FMN1: variants seen among roughly 807,000 people sequenced by gnomAD.
The protein encoded by FMN1 is formin 1, also known as formin-1.
FMN1 carries 110 observed loss-of-function variants against 132.4 expected under a neutral mutation model. The observed-to-expected ratio is 0.83, with a 90% confidence interval of 0.71 to 0.97. The LOEUF (loss-of-function observed/expected upper bound fraction) is 0.97, where lower values mean the gene tolerates loss of function less well. Among genes scored for constraint, FMN1 ranks in the 50% least tolerant of loss-of-function variants. FMN1 has a pLI of 0.00. For synonymous variants in FMN1, 722 were observed against 651.7 expected, an observed-to-expected ratio of 1.11 and a Z score of -1.64; for missense variants, 1,792 against 1,705.3, an observed-to-expected ratio of 1.05 and a Z score of -0.90.
intron 10 of FMN1, among the ~76,000 whole-genome samples, chr15:32,922,299 T>C (rs1185498130): frequency 6.6e-6 from 1 of 152,224 alleles, no homozygotes; most frequent in Non-Finnish European, 1.5e-5. Context: ...ATTCTGATCC[T>C]ATCTAGTTTA....
intron 9 of FMN1, among the ~76,000 whole-genome samples, chr15:32,931,605 G>A (rs1176792950): frequency 6.6e-6 from 1 of 152,080 alleles, no homozygotes; most frequent in Non-Finnish European, 1.5e-5. Context: ...TTTTTTGGGG[G>A]AATCCTTAGG....
rs140795456 is a variant in FMN1, at chr15:32,824,106, T to C, written c.3929-19774A>G. Reference sequence around the variant, plus strand: ...TGGCAGCAATGCCACCAGCAACAGATAGTGTAATGTACCCCCCGTGAGAGG... The same window carrying C: ...TGGCAGCAATGCCACCAGCAACAGACAGTGTAATGTACCCCCCGTGAGAGG... On this transcript the variant is annotated intron_variant, in intron 17 of 20. Coordinates refer to ENST00000616417, the MANE Select transcript of FMN1 (RefSeq NM_001277313.2). Among the ~76,000 whole-genome samples the C allele has an allele frequency of 2.5e-3, 386 of 152,350 alleles. 3 individuals are homozygous for C. The highest frequency in any genetic ancestry group is 8.7e-3 in the African/African-American group (362 of 41,586).
At chr15:32,920,280 A>G (rs1477778929) in intron 10 of FMN1, among the ~76,000 whole-genome samples, 1 of 152,206 alleles carries the variant, frequency 6.6e-6, no homozygotes, top group Non-Finnish European at 1.5e-5. Context: ...ATGCTTTTAA[A>G]TATAAGTCAT....
At chr15:32,975,431 C>T (rs957452707) in intron 7 of FMN1, among the ~76,000 whole-genome samples, 1 of 152,002 alleles carries the variant, frequency 6.6e-6, no homozygotes, top group Non-Finnish European at 1.5e-5. Context: ...AGTGAAACTC[C>T]AAAAAAATTT....
At chr15:33,036,854 T>C (rs2339178) in intron 6 of FMN1, among the ~76,000 whole-genome samples, 41,160 of 152,080 alleles carry the variant, frequency 0.27, 5,779 homozygotes, top group Non-Finnish European at 0.31. Context: ...TGCCAGAATA[T>C]CCATTTGTAC....
At chr15:33,113,845 G>A (rs948650515) in intron 4 of FMN1, among the ~76,000 whole-genome samples, 5 of 152,136 alleles carry the variant, frequency 3.3e-5, no homozygotes, top group African/African-American at 7.2e-5. Context: ...CTTCAAAACA[G>A]AGCCTTCTTT....
rs377547422 is a variant in FMN1 at position 32,865,380 on chromosome 15, G to C, written c.3836-8273C>G. Among the ~76,000 whole-genome samples, 5 of 152,204 alleles carry C rather than the reference G, an allele frequency of 3.3e-5. No individual in the cohort carries two copies. The East Asian group carries it at 9.6e-4, about 29-fold the overall frequency. On this transcript the variant is annotated intron_variant, in intron 16 of 20. Transcript: ENST00000616417. The stretch of plus-strand genomic sequence containing the variant: ...CCTCATCTGTACTTCTTTATATAAG[G>C]TAAATAATTTTAAAAATCTTAGGTG...
chr15:32,968,786 C>G lies in FMN1; in HGVS notation c.2915G>C (p.Arg972Pro). Residue 972 changes from arginine to proline, a missense_variant, in exon 8 of 21, where the codon CGA becomes CCA. Transcript: ENST00000616417. ...ACAACTGGGCTCGATGGCTGGTTTT[C>G]GAGGACATTGACTGGAAGAAGAGCC... The part of the protein sequence containing the change: ...GLGSSSSQCP[R>P]KPAIEPSCPM... 1 of 1,610,490 alleles carries G rather than the reference C, an allele frequency of 6.2e-7. No individual in the cohort carries two copies. Among genetic ancestry groups the G allele is most frequent in the Non-Finnish European group, 8.5e-7 (1 of 1,179,414 alleles).
At chr15:32,974,552 G>A (rs959993487) in intron 7 of FMN1, among the ~76,000 whole-genome samples, 3 of 152,122 alleles carry the variant, frequency 2.0e-5, no homozygotes, top group Admixed American at 1.3e-4. Flanking sequence ...CTCAAGCCCT[G>A]CTCCCATTAG....
At chr15:32,971,378 A>G (rs1243123060) in intron 7 of FMN1, among the ~76,000 whole-genome samples, 2 of 152,244 alleles carry the variant, frequency 1.3e-5, no homozygotes, top group Non-Finnish European at 2.9e-5. Context: ...CAGGATAAGC[A>G]AAGTACTGCA....
intron 3 of FMN1, among the ~76,000 whole-genome samples, chr15:33,163,909 C>T (rs770991150): frequency 2.3e-4 from 35 of 152,094 alleles, no homozygotes; most frequent in Non-Finnish European, 4.3e-4. Context: ...TAAGCCACTG[C>T]GCCTGGCCTG....
At chr15:32,806,275 T>C (rs1443307488) in intron 17 of FMN1, among the ~76,000 whole-genome samples, 1 of 152,216 alleles carries the variant, frequency 6.6e-6, no homozygotes, top group African/African-American at 2.4e-5. Flanking sequence ...TTATTAAACC[T>C]GGCCCTACCA....
At chr15:33,082,092 AATGT>A (rs71117107) in intron 5 of FMN1, among the ~76,000 whole-genome samples, 10,835 of 87,872 alleles carry the variant, frequency 0.12, 463 homozygotes, top group Middle Eastern at 0.16. Context: ...GCTGGAAAAC[AATGT>A]GTGTGTGTGT....
chr15:32,813,564 A>G (rs953288208), intron 17 of FMN1, among the ~76,000 whole-genome samples: 2 of 152,144 alleles, frequency 1.3e-5, no homozygotes, highest in Admixed American at 1.3e-4. Context: ...CAATCATTTG[A>G]TTTGTGGCTG....
At position 32,969,125 on chromosome 15, in the gene FMN1, C is replaced by T. The variant is rs758184083; in HGVS notation, c.2576G>A (p.Gly859Asp). Residue 859 changes from glycine (G) to aspartate (D), a missense_variant, in exon 8 of 21, where the codon GGC (glycine) becomes GAC (aspartate). Gly to Asp is a moderately conservative substitution (Grantham distance 94). This residue lies in a region of FMN1 where 1,150 missense variants were observed against 1,043.1 expected (regional missense o/e 1.10). Transcript: ENST00000616417. ...TGCCTTCTGCTGATTTGATGCCATG[C>T]CCTCCATTGGCTGGAGTGCTGCATG... ...DIHAALQPME[G>D]MASNQQKALP... is the part of the protein sequence containing the mutation. The T allele has an allele frequency of 8.1e-6, 13 of 1,613,370 alleles. No homozygotes were observed. The highest frequency in any genetic ancestry group is 1.1e-5 in the Non-Finnish European group (13 of 1,179,512).
intron 9 of FMN1, among the ~76,000 whole-genome samples, chr15:32,927,292 C>T (rs2339164): frequency 0.41 from 62,707 of 152,016 alleles, 13,374 homozygotes; most frequent in African/African-American, 0.53. Flanking sequence ...TATCCAGCGC[C>T]GTCACACAGG....
chr15:32,780,510 A>G (rs1415021257), intron 19 of FMN1, among the ~76,000 whole-genome samples: 1 of 152,228 alleles, frequency 6.6e-6, no homozygotes, highest in Non-Finnish European at 1.5e-5. Context: ...TCAAAAAATA[A>G]CCATAAAAGT....
At chr15:32,788,284 TC>T (rs2056947521) in intron 19 of FMN1, among the ~76,000 whole-genome samples, 1 of 152,260 alleles carries the variant, frequency 6.6e-6, no homozygotes, top group Admixed American at 6.5e-5. Context: ...CGCATTCATT[TC>T]CTCATTTAGG....
intron 6 of FMN1, among the ~76,000 whole-genome samples, chr15:33,019,600 GCTGGAGGTCCCGA>G (rs2035303417): frequency 1.3e-5 from 2 of 152,304 alleles, no homozygotes; most frequent in Non-Finnish European, 2.9e-5. Context: ...GGCATGGCGA[GCTGGAGGTCCCGA>G]GCCCTGCCCT....
Sources: gnomAD v4.1 joint callset for allele counts (sites outside exome capture counted in the v4.1 genomes callset) on GRCh38, gnomAD v4.1.1 for gene constraint, gnomAD v4.1.1 regional missense constraint, MANE v1.5 for transcripts, NCBI Gene and HGNC (gene_info 2026-07-23, HGNC 2026-07-21) for gene names.